Variants in PAX5 observed in about 807,000 individuals in gnomAD.
PAX5 encodes the protein paired box 5.
Under a neutral mutation model 43.7 loss-of-function variants are expected in PAX5, and 9 were observed. The observed-to-expected ratio is 0.21, with a 90% CI of 0.12 to 0.36. The LOEUF (loss-of-function observed/expected upper bound fraction) is 0.36, where lower values mean the gene tolerates loss of function less well. PAX5 is among the 10% of genes least tolerant of loss of function. PAX5 has a pLI of 1.00. For synonymous variants in PAX5, 228 were observed against 214.3 expected (o/e 1.06, Z -0.56); for missense variants, 383 against 532.7 (o/e 0.72, Z 2.77).
At chr9:37,001,827 T>TTG in intron 5 of PAX5, among the ~76,000 whole-genome samples, 5 of 133,004 alleles carry the variant, frequency 3.8e-5, no homozygotes, top group South Asian at 5.1e-4. Flanking sequence ...TTTTTTTTTT[T>TTG]TTTTTTTCTT....
intron 5 of PAX5, among the ~76,000 whole-genome samples, chr9:36,998,528 C>A (rs990595725): frequency 1.3e-5 from 2 of 152,236 alleles, no homozygotes; most frequent in Non-Finnish European, 2.9e-5. Context: ...TGAGCACCTA[C>A]TATGTGCCAA....
chr9:36,865,924 G>T (rs112479531), intron 8 of PAX5, among the ~76,000 whole-genome samples: 3 of 152,240 alleles, frequency 2.0e-5, no homozygotes, highest in Non-Finnish European at 1.5e-5. Flanking sequence ...GTGGTGCCAC[G>T]CTGTGAAAAG....
chr9:36,954,156 T>A (rs574768289), intron 6 of PAX5, among the ~76,000 whole-genome samples: 72 of 152,338 alleles, frequency 4.7e-4, no homozygotes, highest in African/African-American at 1.7e-3. Context: ...TACTTTTTTT[T>A]TTCTTGCCTA....
chr9:36,976,589 A>G (rs1835448431), intron 5 of PAX5, among the ~76,000 whole-genome samples: 2 of 152,082 alleles, frequency 1.3e-5, no homozygotes, highest in Admixed American at 1.3e-4. Flanking sequence ...CATTTTCTAA[A>G]TCCTGTCCTA....
At position 36,956,225 on chromosome 9, in the gene PAX5, A is replaced by G. The variant is rs552042795; in HGVS notation, c.780+10324T>C. Among the ~76,000 whole-genome samples the G allele has an allele frequency of 1.1e-4, 16 of 152,350 alleles. No homozygotes were observed. In the South Asian group the frequency reaches 3.3e-3, roughly 32 times the overall value. The stretch of plus-strand genomic sequence containing the variant: ...TCACTGACATGGCATATCTGTAAAA[A>G]TTTCTTGGATGAATGAATGAATAAA... On this transcript the variant is annotated intron_variant, in intron 6 of 9. Coordinates refer to ENST00000358127, the MANE Select transcript of PAX5 (RefSeq NM_016734.3).
intron 4 of PAX5, 24 bp downstream of exon 4, chr9:37,006,449 A>T (rs770122775): frequency 1.2e-5 from 19 of 1,581,548 alleles, no homozygotes; most frequent in Middle Eastern, 1.7e-4. Flanking sequence ...AGATTTTTAA[A>T]TTTTTTTTAA....
At chr9:37,005,606 C>T (rs1007233812) in intron 4 of PAX5, among the ~76,000 whole-genome samples, 4 of 152,190 alleles carry the variant, frequency 2.6e-5, no homozygotes, top group African/African-American at 7.2e-5. Flanking sequence ...TCCCCATCAC[C>T]GTGTGAGTTC....
intron 1 of PAX5, among the ~76,000 whole-genome samples, chr9:37,021,987 T>C (rs1431449930): frequency 1.3e-5 from 2 of 152,068 alleles, no homozygotes; most frequent in African/African-American, 4.8e-5. Context: ...AAATATGAAA[T>C]AGCCACCTCA....
intron 7 of PAX5, among the ~76,000 whole-genome samples, chr9:36,896,961 A>C (rs1827921834): frequency 6.6e-6 from 1 of 152,252 alleles, no homozygotes; most frequent in Admixed American, 6.5e-5. Context: ...AGCAAAGAGC[A>C]GATCTGAGAT....
chr9:36,898,461 G>A lies in PAX5; in HGVS notation c.911-16356C>T, dbSNP rs779508634. On this transcript the variant is annotated intron_variant, in intron 7 of 9. Coordinates refer to ENST00000358127, the MANE Select transcript of PAX5 (RefSeq NM_016734.3). ...GCCTCTCTTCTTCCCTCTGGTCTCCGGGCCCCAGAACCCCAGCAACCCCTC... is the reference window on the plus strand; with the variant it reads ...GCCTCTCTTCTTCCCTCTGGTCTCCAGGCCCCAGAACCCCAGCAACCCCTC... Among the ~76,000 whole-genome samples, 39 of 152,196 alleles carry A rather than the reference G, an allele frequency of 2.6e-4. 1 individual carries two copies. The highest frequency in any genetic ancestry group is 2.1e-3 in the South Asian group (10 of 4,814).
intron 5 of PAX5, among the ~76,000 whole-genome samples, chr9:37,001,556 TCC>T (rs767554145): frequency 6.6e-6 from 1 of 152,070 alleles, no homozygotes; most frequent in Non-Finnish European, 1.5e-5. Context: ...CCGCAAATCT[TCC>T]CCACACACCC....
chr9:36,978,570 C>T lies in PAX5; in HGVS notation c.605-11846G>A, dbSNP rs12003949. ...TTACTCTGATATCTTTGCATTACCCCTATTTGAGTTTTTAAATTACTGTCT... is the reference window on the plus strand; with the variant it reads ...TTACTCTGATATCTTTGCATTACCCTTATTTGAGTTTTTAAATTACTGTCT... On this transcript the variant is annotated intron_variant, in intron 5 of 9. Transcript: ENST00000358127. Among the ~76,000 whole-genome samples, 155 of 152,114 alleles carry T rather than the reference C, an allele frequency of 1.0e-3. 1 individual carries two copies. The highest frequency in any genetic ancestry group is 3.4e-3 in the African/African-American group (139 of 41,486).
chr9:36,939,136 G>A (rs1563988789), intron 6 of PAX5, among the ~76,000 whole-genome samples: 1 of 152,190 alleles, frequency 6.6e-6, no homozygotes, highest in South Asian at 2.1e-4. Flanking sequence ...CACCAGAAAG[G>A]GCCAACTTTT....
At chr9:36,845,611 A>G (rs1418401950) in intron 9 of PAX5, among the ~76,000 whole-genome samples, 2 of 152,280 alleles carry the variant, frequency 1.3e-5, no homozygotes, top group Non-Finnish European at 1.5e-5. Context: ...TGAATCCCCA[A>G]GTCATGCATG....
At chr9:36,919,686 CA>C (rs1368264639) in intron 7 of PAX5, among the ~76,000 whole-genome samples, 1 of 151,680 alleles carries the variant, frequency 6.6e-6, no homozygotes, top group Non-Finnish European at 1.5e-5. Flanking sequence ...ACTAAAAATA[CA>C]AAAATTAGCC....
intron 8 of PAX5, among the ~76,000 whole-genome samples, chr9:36,867,941 C>G (rs1825059241): frequency 6.6e-6 from 1 of 152,228 alleles, no homozygotes; most frequent in African/African-American, 2.4e-5. Flanking sequence ...ATATTTCCAG[C>G]CTCCCAGCCT....
chr9:36,886,371 G>C (rs556629824), intron 7 of PAX5, among the ~76,000 whole-genome samples: 3 of 152,128 alleles, frequency 2.0e-5, no homozygotes, highest in Non-Finnish European at 4.4e-5. Flanking sequence ...TGATCCCCAC[G>C]CCTGGTTGGG....
At chr9:37,016,190 A>G (rs186606040) in intron 2 of PAX5, among the ~76,000 whole-genome samples, 34 of 152,298 alleles carry the variant, frequency 2.2e-4, no homozygotes, top group African/African-American at 7.9e-4. Context: ...AATTTCCCCA[A>G]TAAGGTAGCT....
chr9:36,844,066 C>T (rs543337603), intron 9 of PAX5, among the ~76,000 whole-genome samples: 28 of 152,292 alleles, frequency 1.8e-4, no homozygotes, highest in African/African-American at 6.0e-4. Flanking sequence ...TCTGCTTAAG[C>T]CAGTCAGAGT....
Sources: gnomAD v4.1 joint callset for allele counts (sites outside exome capture counted in the v4.1 genomes callset) on GRCh38, gnomAD v4.1.1 for gene constraint, MANE v1.5 for transcripts, NCBI Gene and HGNC (gene_info 2026-07-23, HGNC 2026-07-21) for gene names.